Variants in SUDS3 observed in about 807,000 individuals in gnomAD.
SUDS3 encodes SIN3A corepressor complex component SDS3, also known as sin3 histone deacetylase corepressor complex component SDS3.
SUDS3 carries 23 observed loss-of-function variants against 53.5 expected under a neutral mutation model. The ratio of observed to expected loss-of-function variants is 0.43; its 90% CI spans 0.31 to 0.61. The LOEUF is 0.61. SUDS3 is among the 20% of genes least tolerant of loss of function. The pLI, the probability that SUDS3 is intolerant of heterozygous loss-of-function variation, is 0.10. For missense variants in SUDS3, 291 were observed against 405.9 expected (o/e 0.72, Z 2.43); for synonymous variants, 150 against 148.5 (o/e 1.01, Z -0.08).
chr12:118,416,819 A>G lies in SUDS3; in HGVS notation c.*2386A>G, dbSNP rs2046404971. ...CTAGACGAGAAGGAGGCTAGCTTCT[A>G]GCCTGGGTGGCCATTATTCCAAAAG... On this transcript the variant is annotated 3_prime_UTR_variant, in exon 12 of 12. Coordinates refer to ENST00000543473, the MANE Select transcript of SUDS3 (RefSeq NM_022491.3). 1.3e-5 allele frequency: 2 copies of G among 152,346 alleles called. No individual in the cohort carries two copies. Among genetic ancestry groups the G allele is most frequent in the South Asian group, 4.1e-4 (2 of 4,828 alleles). The allele number at this position is 152,346 out of a possible 1,614,324, so 9.4% of individuals were successfully genotyped here.
At chr12:118,388,899 A>G (rs1404799627) in intron 4 of SUDS3, among the ~76,000 whole-genome samples, 1 of 152,204 alleles carries the variant, frequency 6.6e-6, no homozygotes, top group African/African-American at 2.4e-5. Flanking sequence ...CTGTAATCCC[A>G]GCACTCTGGG....
chr12:118,407,721 T>G (rs1225408277), intron 10 of SUDS3, among the ~76,000 whole-genome samples: 8 of 101,678 alleles, frequency 7.9e-5, no homozygotes, highest in Admixed American at 2.0e-4. Flanking sequence ...TTATTTTTGG[T>G]TTTTTTTTTT....
At position 118,415,193 on chromosome 12, in the gene SUDS3, C is replaced by T. The variant is rs2046390007; in HGVS notation, c.*760C>T. The stretch of plus-strand genomic sequence containing the variant: ...AGCTTAAGCTGGAATAAGCAGTGGT[C>T]ATTTCAGAAGTTTTCATTTGTAATT... On this transcript the variant is annotated 3_prime_UTR_variant, in exon 12 of 12. Transcript: ENST00000543473. 1 of 152,192 alleles carries T rather than the reference C, an allele frequency of 6.6e-6. No homozygotes were observed. The highest frequency in any genetic ancestry group is 6.5e-5 in the Admixed American group (1 of 15,288). The allele number at this position is 152,192 out of a possible 1,614,324, so 9.4% of individuals were successfully genotyped here.
intron 3 of SUDS3, among the ~76,000 whole-genome samples, chr12:118,385,873 T>A (rs1187073849): frequency 6.6e-6 from 1 of 152,102 alleles, no homozygotes; most frequent in Non-Finnish European, 1.5e-5. Flanking sequence ...TATTGGCAAT[T>A]TTCCACTCCC....
At chr12:118,407,962 C>T (rs1389311421) in intron 10 of SUDS3, among the ~76,000 whole-genome samples, 1 of 151,918 alleles carries the variant, frequency 6.6e-6, no homozygotes, top group East Asian at 1.9e-4. Context: ...AGTGCAGTGG[C>T]GCCATCTCAG....
intron 7 of SUDS3, 50 bp from the exon 8 acceptor site, chr12:118,401,708 TC>T (rs2046264134): frequency 3.4e-6 from 5 of 1,461,338 alleles, no homozygotes; most frequent in Non-Finnish European, 4.8e-6. Flanking sequence ...TGTTGATTAC[TC>T]TTTGCCTGGA....
intron 4 of SUDS3, among the ~76,000 whole-genome samples, chr12:118,387,328 G>A (rs768272733): frequency 9.1e-4 from 138 of 152,276 alleles, no homozygotes; most frequent in Non-Finnish European, 1.1e-3. Flanking sequence ...TGTGGAAGGA[G>A]GTCCTGCCTC....
At chr12:118,401,229 A>C (rs1415149413) in intron 7 of SUDS3, among the ~76,000 whole-genome samples, 1 of 152,246 alleles carries the variant, frequency 6.6e-6, no homozygotes, top group Non-Finnish European at 1.5e-5. Flanking sequence ...CCCTTTAATC[A>C]TAAAAATGGT....
chr12:118,382,811 G>A (rs1011835914), intron 2 of SUDS3, among the ~76,000 whole-genome samples: 17 of 148,668 alleles, frequency 1.1e-4, no homozygotes, highest in African/African-American at 4.3e-4. Context: ...GGGATTACAG[G>A]CGCCCACCAC....
At chr12:118,377,274 C>T (rs1478076056) in intron 1 of SUDS3, among the ~76,000 whole-genome samples, 4 of 151,898 alleles carry the variant, frequency 2.6e-5, no homozygotes, top group African/African-American at 9.7e-5. Context: ...CTATTGAGAA[C>T]TCAGGTTGGT....
rs1319163227 is a variant in SUDS3, at chr12:118,416,200, G to A, written c.*1767G>A. 3.3e-5 allele frequency: 5 copies of A among 152,154 alleles called. No homozygotes were observed. In the East Asian group the frequency reaches 9.6e-4, roughly 29 times the overall value. The allele number at this position is 152,154 out of a possible 1,614,324, so 9.4% of individuals were successfully genotyped here. A position where few individuals can be genotyped will look rare whatever the true frequency, so the allele number is the denominator to read the frequency against. ...ATATTGTGCAGCTGTTGGTTTTCAT[G>A]TAGTGCCCTGCGATGGAAATTAGAT... On this transcript the variant is annotated 3_prime_UTR_variant, in exon 12 of 12. Transcript: ENST00000543473.
intron 10 of SUDS3, among the ~76,000 whole-genome samples, chr12:118,406,678 T>C (rs1169694905): frequency 6.6e-6 from 1 of 150,952 alleles, no homozygotes; most frequent in East Asian, 2.0e-4. Context: ...AGCAGCTGAG[T>C]TGCAGCTTGT....
chr12:118,400,086 A>C (rs1257211789), intron 6 of SUDS3, among the ~76,000 whole-genome samples: 6 of 152,096 alleles, frequency 3.9e-5, no homozygotes, highest in Admixed American at 3.3e-4. Flanking sequence ...AGAAGAAGGG[A>C]AAGAGGCTTT....
Position 118,414,493 on chromosome 12 carries a change from T to G in SUDS3, c.*60T>G. The G allele has an allele frequency of 7.4e-7, 1 of 1,345,560 alleles. No homozygotes were observed. Among genetic ancestry groups the G allele is most frequent in the South Asian group, 1.4e-5 (1 of 73,018 alleles). 83.4% of individuals were successfully genotyped at this position (1,345,560 alleles called of 1,614,324 possible). Reference sequence around the variant, plus strand: ...GGAGTGGGTTTTATTTTTGTTTTGTTTCGTTTTCTCCTTAATAGAAAAATG... The same window carrying G: ...GGAGTGGGTTTTATTTTTGTTTTGTGTCGTTTTCTCCTTAATAGAAAAATG... On this transcript the variant is annotated 3_prime_UTR_variant, in exon 12 of 12. Coordinates refer to ENST00000543473, the MANE Select transcript of SUDS3 (RefSeq NM_022491.3).
At chr12:118,397,901 C>T (rs924987659) in intron 6 of SUDS3, among the ~76,000 whole-genome samples, 1 of 152,254 alleles carries the variant, frequency 6.6e-6, no homozygotes, top group East Asian at 1.9e-4. Context: ...AGAGCACACT[C>T]AGCCACTCTC....
At chr12:118,378,123 C>T (rs567610366) in intron 1 of SUDS3, among the ~76,000 whole-genome samples, 1 of 149,724 alleles carries the variant, frequency 6.7e-6, no homozygotes, top group East Asian at 1.9e-4. Context: ...TTTTTTCCTT[C>T]CAGTATAGGG....
Position 118,401,825 on chromosome 12 carries a change from G to C in SUDS3, c.675+5G>C. ...GATCTGAGAACATTAAATAAGGTAC[G>C]GTTTGACTTTTTTGATTTATTTGAA... On this transcript the variant is annotated splice_donor_5th_base_variant and intron_variant, in intron 8 of 11. Transcript: ENST00000543473. 1 of 1,613,342 alleles carries C rather than the reference G, an allele frequency of 6.2e-7. No individual in the cohort carries two copies. Among genetic ancestry groups the C allele is most frequent in the African/African-American group, 1.3e-5 (1 of 74,996 alleles).
intron 6 of SUDS3, among the ~76,000 whole-genome samples, chr12:118,396,505 T>C (rs946034787): frequency 6.6e-6 from 1 of 152,190 alleles, no homozygotes; most frequent in Non-Finnish European, 1.5e-5. Flanking sequence ...CCACCCTCCT[T>C]GGCCCCCCCA....
intron 9 of SUDS3, chr12:118,402,255 T>G (rs1453453912): frequency 9.2e-6 from 5 of 542,530 alleles, no homozygotes; most frequent in Non-Finnish European, 1.6e-5. Flanking sequence ...TTTGATTGAT[T>G]GATTGATTTC....
Sources: gnomAD v4.1 joint callset for allele counts (sites outside exome capture counted in the v4.1 genomes callset) on GRCh38, gnomAD v4.1.1 for gene constraint, MANE v1.5 for transcripts, NCBI Gene and HGNC (gene_info 2026-07-23, HGNC 2026-07-21) for gene names.